CCBE1: variants seen among roughly 807,000 people sequenced by gnomAD.
CCBE1 encodes collagen and calcium-binding EGF domain-containing protein 1.
Under a neutral mutation model 50.0 loss-of-function variants are expected in CCBE1, and 37 were observed. That is an observed-to-expected ratio of 0.74 (90% CI 0.57 to 0.97). The LOEUF (loss-of-function observed/expected upper bound fraction) is 0.97. CCBE1 is among the 50% of genes least tolerant of loss of function. The probability of loss-of-function intolerance (pLI) is 0.00; values close to 1 mark genes in which losing one functional copy is unlikely to be tolerated. For synonymous variants in CCBE1, 234 were observed against 203.7 expected, an observed-to-expected ratio of 1.15 and a Z score of -1.27; for missense variants, 538 against 523.8, an observed-to-expected ratio of 1.03 and a Z score of -0.26.
chr18:59,619,159 C>T (rs1016243321), intron 2 of CCBE1, among the ~76,000 whole-genome samples: 2 of 152,074 alleles, frequency 1.3e-5, no homozygotes, highest in Non-Finnish European at 2.9e-5. Flanking sequence ...AATGATGCCA[C>T]CATTATATAG....
At chr18:59,629,873 C>T (rs1007988211) in intron 2 of CCBE1, among the ~76,000 whole-genome samples, 1 of 152,188 alleles carries the variant, frequency 6.6e-6, no homozygotes, top group Non-Finnish European at 1.5e-5. Flanking sequence ...AGGATGTGTA[C>T]ACCAAGTTTT....
intron 2 of CCBE1, among the ~76,000 whole-genome samples, chr18:59,596,387 G>A (rs80170223): frequency 0.06 from 9,156 of 152,104 alleles, 811 homozygotes; most frequent in African/African-American, 0.19. Flanking sequence ...AACACTGAAG[G>A]TGTCACGGGA....
chr18:59,442,379 T>C (rs1910472786), intron 7 of CCBE1, among the ~76,000 whole-genome samples: 1 of 152,216 alleles, frequency 6.6e-6, no homozygotes, highest in Non-Finnish European at 1.5e-5. Flanking sequence ...TCATGCACTG[T>C]ACATGTATGT....
intron 2 of CCBE1, among the ~76,000 whole-genome samples, chr18:59,525,428 C>G (rs1474453206): frequency 1.3e-5 from 2 of 151,808 alleles, no homozygotes. Context: ...ATTTTTTTTC[C>G]TGTAGATTCT....
chr18:59,535,630 A>C (rs1915216853), intron 2 of CCBE1, among the ~76,000 whole-genome samples: 1 of 152,190 alleles, frequency 6.6e-6, no homozygotes, highest in Non-Finnish European at 1.5e-5. Flanking sequence ...AAAAATTTGG[A>C]AGCAACCCAA....
Position 59,522,993 on chromosome 18 carries a change from C to CAAAAAA in CCBE1, c.213-42761_213-42756dup, listed in dbSNP as rs57217059. Among the ~76,000 whole-genome samples, 148 of 89,210 alleles carry CAAAAAA rather than the reference C, an allele frequency of 1.7e-3. 8 individuals are homozygous for CAAAAAA. Among genetic ancestry groups the CAAAAAA allele is most frequent in the African/African-American group, 5.5e-3 (133 of 24,134 alleles). The allele number at this position is 89,210 out of a possible 152,430, so 58.5% of individuals were successfully genotyped here. ...GGCAACAGAGTGAGAGACTCTGTTT[C>CAAAAAA]AAAAAAAAAAAAAAAAAAAATTCTC... is the stretch of plus-strand genomic sequence containing the variant. On this transcript the variant is annotated intron_variant, in intron 2 of 10. Coordinates refer to ENST00000439986, the MANE Select transcript of CCBE1 (RefSeq NM_133459.4).
chr18:59,455,179 G>A (rs1911132294), intron 5 of CCBE1: 1 of 633,116 alleles, frequency 1.6e-6, no homozygotes, highest in African/African-American at 1.8e-5. Context: ...GGGCTCAGCT[G>A]TTCCTATTTA....
chr18:59,488,473 A>G (rs1198803037), intron 2 of CCBE1, among the ~76,000 whole-genome samples: 1 of 152,218 alleles, frequency 6.6e-6, no homozygotes, highest in Non-Finnish European at 1.5e-5. Flanking sequence ...CAAATTACAG[A>G]AAAGTAAAAG....
intron 2 of CCBE1, among the ~76,000 whole-genome samples, chr18:59,606,098 A>C (rs1057174346): frequency 9.9e-5 from 15 of 152,240 alleles, no homozygotes; most frequent in African/African-American, 3.6e-4. Flanking sequence ...TTGTCAAAAC[A>C]AGTCATGTTT....
At chr18:59,670,545 A>T (rs1363897025) in intron 2 of CCBE1, among the ~76,000 whole-genome samples, 1 of 152,178 alleles carries the variant, frequency 6.6e-6, no homozygotes, top group Non-Finnish European at 1.5e-5. Context: ...TTGCTTATAC[A>T]ACTCCTGCCA....
intron 2 of CCBE1, among the ~76,000 whole-genome samples, chr18:59,688,560 C>T (rs1024525118): frequency 2.0e-5 from 3 of 152,168 alleles, no homozygotes; most frequent in African/African-American, 7.2e-5. Context: ...GGTAGCAAAC[C>T]AAGGTAACAC....
intron 2 of CCBE1, among the ~76,000 whole-genome samples, chr18:59,547,072 G>GGGGACAGAGGGGGAGAGAAA (rs1568199214): frequency 1.6e-5 from 1 of 61,702 alleles, no homozygotes; most frequent in Non-Finnish European, 3.0e-5. Context: ...GGGGAGAGAG[G>GGGGACAGAGGGGGAGAGAAA]GGGAGAGAAA....
chr18:59,695,357 CTT>C (rs1446968944), intron 2 of CCBE1, among the ~76,000 whole-genome samples: 4 of 152,198 alleles, frequency 2.6e-5, no homozygotes, highest in African/African-American at 9.6e-5. Flanking sequence ...CAGTTAGCCT[CTT>C]TAAGTCTTAA....
intron 2 of CCBE1, among the ~76,000 whole-genome samples, chr18:59,652,191 G>C (rs935985023): frequency 1.3e-5 from 2 of 152,112 alleles, no homozygotes; most frequent in African/African-American, 4.8e-5. Flanking sequence ...CAAATGGCAG[G>C]ATTTCATTTT....
intron 6 of CCBE1, among the ~76,000 whole-genome samples, chr18:59,453,192 C>T (rs1386029553): frequency 6.6e-6 from 1 of 152,192 alleles, no homozygotes; most frequent in Non-Finnish European, 1.5e-5. Context: ...CAGATTACTT[C>T]CAGGGAAGGA....
intron 2 of CCBE1, among the ~76,000 whole-genome samples, chr18:59,570,838 C>T (rs753497815): frequency 6.6e-6 from 1 of 152,184 alleles, no homozygotes; most frequent in African/African-American, 2.4e-5. Context: ...GAGAGCCGGA[C>T]GTCCCCTAGG....
intron 2 of CCBE1, chr18:59,568,271 C>T (rs2144476670): frequency 6.6e-6 from 1 of 152,146 alleles, no homozygotes; most frequent in East Asian, 1.9e-4. Context: ...ACCCACAATC[C>T]CTGATTCTGC....
At chr18:59,644,722 C>T (rs1198088209) in intron 2 of CCBE1, among the ~76,000 whole-genome samples, 2 of 152,138 alleles carry the variant, frequency 1.3e-5, no homozygotes, top group Admixed American at 6.5e-5. Context: ...TATTTCTCCC[C>T]CCACACCGTC....
At chr18:59,513,829 C>G (rs893092307) in intron 2 of CCBE1, among the ~76,000 whole-genome samples, 1 of 152,224 alleles carries the variant, frequency 6.6e-6, no homozygotes, top group Non-Finnish European at 1.5e-5. Context: ...TCATGTCTGA[C>G]TGGCTCCAAG....
Sources: gnomAD v4.1 joint callset for allele counts (sites outside exome capture counted in the v4.1 genomes callset) on GRCh38, gnomAD v4.1.1 for gene constraint, MANE v1.5 for transcripts, NCBI Gene and HGNC (gene_info 2026-07-23, HGNC 2026-07-21) for gene names.